Variants in PDXDC1 observed in about 807,000 individuals in gnomAD.
PDXDC1 encodes pyridoxal-dependent decarboxylase domain-containing protein 1.
Under a neutral mutation model 100.1 loss-of-function variants are expected in PDXDC1, and 42 were observed. That is an observed-to-expected ratio of 0.42 (90% CI 0.33 to 0.54). The LOEUF (loss-of-function observed/expected upper bound fraction) is 0.54, where lower values mean the gene tolerates loss of function less well. Among genes scored for constraint, PDXDC1 ranks in the 20% least tolerant of loss-of-function variants. The pLI is 0.10. For synonymous variants in PDXDC1, 260 were observed against 371.7 expected, an observed-to-expected ratio of 0.70 and a Z score of 3.46; for missense variants, 636 against 979.2, an observed-to-expected ratio of 0.65 and a Z score of 4.68.
At chr16:14,979,189 C>T (rs1198782930) in intron 1 of PDXDC1, among the ~76,000 whole-genome samples, 5 of 152,276 alleles carry the variant, frequency 3.3e-5, no homozygotes, top group African/African-American at 1.2e-4. Context: ...ATTTCAAGTG[C>T]TCAGCAGCCA....
At chr16:15,151,531 G>A in the PDXDC1 span, among the ~76,000 whole-genome samples, 265 of 108,306 alleles carry the variant, frequency 2.4e-3, 4 homozygotes, top group East Asian at 0.054. Context: ...GAACACACCA[G>A]GCCTTCGGTG....
rs2042635205 is a variant in PDXDC1, at chr16:15,026,764, A to G, written c.1204+58A>G. 2.7e-6 allele frequency: 4 copies of G among 1,492,314 alleles called. No individual in the cohort carries two copies. In the South Asian group the frequency reaches 3.5e-5, roughly 13 times the overall value. 92.4% of individuals were successfully genotyped at this position (1,492,314 alleles called of 1,614,324 possible). A position where few individuals can be genotyped will look rare whatever the true frequency, so the allele number is the denominator to read the frequency against. On this transcript the variant is annotated intron_variant, in intron 14 of 22. Coordinates refer to ENST00000396410, the MANE Select transcript of PDXDC1 (RefSeq NM_015027.4). The stretch of plus-strand genomic sequence containing the variant: ...ATCTGTGTTAAAGGCTTTGAATTTG[A>G]TACCATTTCAAGTTAAATAGTTCAA...
At chr16:15,100,575 C>T (rs2151846310) in intron 16 of PDXDC1, among the ~76,000 whole-genome samples, 1 of 152,278 alleles carries the variant, frequency 6.6e-6, no homozygotes, top group South Asian at 2.1e-4. Flanking sequence ...GGCCTCTACC[C>T]AGTAGATGAC....
At chr16:15,009,553 T>C (rs1235567308) in intron 7 of PDXDC1, 128 bp from the exon 8 acceptor site, 6 of 1,355,428 alleles carry the variant, frequency 4.4e-6, no homozygotes, top group Non-Finnish European at 5.9e-6. Context: ...AACAGAAAAA[T>C]TGTCAAGAGT....
chr16:15,110,975 A>G (rs985619427), intron 16 of PDXDC1, among the ~76,000 whole-genome samples: 2 of 147,690 alleles, frequency 1.4e-5, no homozygotes, highest in African/African-American at 4.9e-5. Context: ...CTAAAAATAC[A>G]AAAATTAGCC....
chr16:15,002,325 C>T, intron 4 of PDXDC1, among the ~76,000 whole-genome samples: 1 of 152,300 alleles, frequency 6.6e-6, no homozygotes, highest in Admixed American at 6.5e-5. Flanking sequence ...ATGTTTTCTT[C>T]TCTAGAGACA....
In PDXDC1 at chr16:15,018,831, C is replaced by G. The variant is rs1357354429; in HGVS notation, c.964-9C>G. The G allele has an allele frequency of 1.2e-6, 2 of 1,613,818 alleles. No individual in the cohort carries two copies. The highest frequency in any genetic ancestry group is 2.7e-5 in the African/African-American group (2 of 75,060). On this transcript the variant is annotated splice_polypyrimidine_tract_variant and intron_variant, in intron 11 of 22. Transcript: ENST00000396410. ...GCTTTGATTAATAAACCTCTTTTGGCTTTTTTAGACTTTAGTTGCTGGTCT... is the reference window on the plus strand; with the variant it reads ...GCTTTGATTAATAAACCTCTTTTGGGTTTTTTAGACTTTAGTTGCTGGTCT...
In PDXDC1 at chr16:15,030,707, C is replaced by T. The variant is rs890201729; in HGVS notation, c.1399+651C>T. Among the ~76,000 whole-genome samples, 7 of 151,612 alleles carry T rather than the reference C, an allele frequency of 4.6e-5. No individual in the cohort carries two copies. In the South Asian group the frequency reaches 6.2e-4, roughly 14 times the overall value. ...CAAGTGATCTTCCCACCTCAGCCCC[C>T]GAGGAGTTGGGACCACAGGCATGAG... On this transcript the variant is annotated intron_variant, in intron 16 of 22. Transcript: ENST00000396410.
chr16:14,985,485 C>G (rs1969151160), intron 1 of PDXDC1, among the ~76,000 whole-genome samples: 2 of 152,202 alleles, frequency 1.3e-5, no homozygotes, highest in African/African-American at 4.8e-5. Flanking sequence ...GACGGGGTTT[C>G]TACTGTGTTA....
chr16:15,133,030 A>T, intron 16 of PDXDC1: 2 of 1,094,272 alleles, frequency 1.8e-6, no homozygotes, highest in Non-Finnish European at 2.6e-6. Flanking sequence ...TGGGCAAAAC[A>T]GGGTAAGCAC....
At chr16:15,140,484 C>T (rs957911497), downstream of PDXDC1, among the ~76,000 whole-genome samples, 15 of 147,130 alleles carry the variant, frequency 1.0e-4, no homozygotes, top group Non-Finnish European at 1.8e-4. Context: ...GGACGGAGGG[C>T]GAGAGGGAGG....
At chr16:15,090,573 G>A (rs966728010) in intron 16 of PDXDC1, among the ~76,000 whole-genome samples, 1 of 152,172 alleles carries the variant, frequency 6.6e-6, no homozygotes, top group African/African-American at 2.4e-5. Context: ...AATAGCCAGA[G>A]CAACACAGCA....
chr16:15,133,502 A>G, intron 16 of PDXDC1: 4 of 866,306 alleles, frequency 4.6e-6, no homozygotes, highest in Non-Finnish European at 3.7e-6. Flanking sequence ...GTTGAGGGCG[A>G]CCACAGCGGC....
At position 14,975,090 on chromosome 16, in the gene PDXDC1, C is replaced by A. The variant is rs897550126; in HGVS notation, c.-110C>A. 6.8e-7 allele frequency: 1 copy of A among 1,471,076 alleles called. No homozygotes were observed. Among genetic ancestry groups the A allele is most frequent in the African/African-American group, 1.4e-5 (1 of 69,762 alleles). The allele number at this position is 1,471,076 out of a possible 1,614,324, so 91.1% of individuals were successfully genotyped here. On this transcript the variant is annotated 5_prime_UTR_variant, in exon 1 of 23. Transcript: ENST00000396410. The stretch of plus-strand genomic sequence containing the variant: ...GCAGCTCCTCCTCTTCTCCGCCCCG[C>A]CGGCCGCGGGCGCGGGGGACGTCAG...
At chr16:14,988,130 C>T (rs540033736) in intron 1 of PDXDC1, 32 of 1,344,146 alleles carry the variant, frequency 2.4e-5, no homozygotes, top group Middle Eastern at 1.9e-4. Flanking sequence ...CTCGCTTCTG[C>T]GTCACTGGTT....
At chr16:15,005,155 G>A (rs193200153) in intron 5 of PDXDC1, among the ~76,000 whole-genome samples, 438 of 152,202 alleles carry the variant, frequency 2.9e-3, no homozygotes, top group African/African-American at 9.5e-3. Flanking sequence ...TGAGGAGATC[G>A]AGACCATTCT....
intron 17 of PDXDC1, 183 bp from the exon 18 acceptor site, chr16:15,032,678 T>C (rs1194355699): frequency 2.8e-6 from 1 of 351,470 alleles, no homozygotes; most frequent in Non-Finnish European, 4.9e-6. Flanking sequence ...AAGGCTTTCC[T>C]GTGACTTTCT....
At chr16:15,136,186 C>G in intron 16 of PDXDC1, 1 of 797,874 alleles carries the variant, frequency 1.3e-6, no homozygotes, top group South Asian at 1.6e-5. Flanking sequence ...ATCCTCCCAC[C>G]CTCACAGCAG....
intron 17 of PDXDC1, chr16:15,032,410 G>A (rs1239097797): frequency 1.8e-5 from 3 of 169,398 alleles, no homozygotes; most frequent in Admixed American, 5.8e-5. Context: ...CCAGCACTTT[G>A]GGAGGCCAAC....
Sources: allele counts gnomAD v4.1 joint callset (sites outside exome capture counted in the v4.1 genomes callset), GRCh38; gene constraint gnomAD v4.1.1; transcripts MANE v1.5; gene names NCBI Gene and HGNC (gene_info 2026-07-23, HGNC 2026-07-21).